The following SLC13A1 variants were observed in gnomAD, a reference collection of about 807,000 sequenced individuals.
SLC13A1 encodes solute carrier family 13 member 1.
A neutral mutation model predicts 70.0 loss-of-function variants in SLC13A1; 65 were observed. That is an observed-to-expected ratio of 0.93 (90% CI 0.76 to 1.14). The LOEUF (loss-of-function observed/expected upper bound fraction) is 1.14. Among genes scored for constraint, SLC13A1 ranks in the 50% most tolerant of loss-of-function variants. The pLI, the probability that SLC13A1 is intolerant of heterozygous loss-of-function variation, is 0.00. For missense variants in SLC13A1, 726 were observed against 717.8 expected (o/e 1.01, Z -0.13); for synonymous variants, 275 against 250.5 (o/e 1.10, Z -0.92).
At chr7:123,130,523 A>C (rs1482474828) in intron 8 of SLC13A1, among the ~76,000 whole-genome samples, 1 of 152,092 alleles carries the variant, frequency 6.6e-6, no homozygotes, top group African/African-American at 2.4e-5. Context: ...AGGAGAACAC[A>C]TGGAACCAGG....
At chr7:123,136,380 T>C (rs1029204889) in intron 7 of SLC13A1, among the ~76,000 whole-genome samples, 24 of 152,264 alleles carry the variant, frequency 1.6e-4, no homozygotes, top group African/African-American at 5.3e-4. Flanking sequence ...AATCATAACC[T>C]TTACCCTTAT....
At chr7:123,154,704 C>T (rs899573407) in intron 6 of SLC13A1, among the ~76,000 whole-genome samples, 2 of 152,006 alleles carry the variant, frequency 1.3e-5, no homozygotes, top group African/African-American at 4.8e-5. Flanking sequence ...GAATCAGTCC[C>T]AAATATTCCC....
chr7:123,168,313 C>G (rs1795138438), intron 6 of SLC13A1, 61 bp downstream of exon 6: 6 of 1,126,698 alleles, frequency 5.3e-6, no homozygotes, highest in Non-Finnish European at 5.2e-6. Flanking sequence ...GCATATGTAT[C>G]TAACTACAGC....
At chr7:123,178,019 C>T (rs1795507540) in intron 2 of SLC13A1, among the ~76,000 whole-genome samples, 1 of 145,350 alleles carries the variant, frequency 6.9e-6, no homozygotes, top group East Asian at 2.1e-4. Flanking sequence ...CTCTCTCTTT[C>T]TCTCTCTCTC....
intron 2 of SLC13A1, among the ~76,000 whole-genome samples, chr7:123,176,689 A>C (rs1795456067): frequency 6.6e-6 from 1 of 152,158 alleles, no homozygotes; most frequent in Admixed American, 6.6e-5. Flanking sequence ...TCTACTTTTC[A>C]CATTAACTGA....
chr7:123,125,456 G>A (rs919506780), intron 11 of SLC13A1, 113 bp downstream of exon 11: 17 of 720,260 alleles, frequency 2.4e-5, no homozygotes, highest in Admixed American at 1.0e-4. Context: ...GCTAGGCCAG[G>A]GATTGTGCCA....
chr7:123,151,217 G>C (rs774107378), intron 6 of SLC13A1, among the ~76,000 whole-genome samples: 4 of 151,916 alleles, frequency 2.6e-5, no homozygotes, highest in Non-Finnish European at 5.9e-5. Context: ...CCCACTACTT[G>C]GGAGGCTGAG....
chr7:123,117,414 C>T, intron 14 of SLC13A1, 57 bp downstream of exon 14: 2 of 1,548,136 alleles, frequency 1.3e-6, no homozygotes, highest in Non-Finnish European at 1.8e-6. Flanking sequence ...TAATTCAAGA[C>T]ATGGCACACA....
chr7:123,172,749 G>A (rs571890074), intron 2 of SLC13A1, among the ~76,000 whole-genome samples: 26 of 152,218 alleles, frequency 1.7e-4, no homozygotes, highest in Middle Eastern at 3.4e-3. Context: ...ATTTGCAGCA[G>A]TATTTCTTAA....
At chr7:123,175,036 T>C (rs1795402833) in intron 2 of SLC13A1, among the ~76,000 whole-genome samples, 1 of 152,110 alleles carries the variant, frequency 6.6e-6, no homozygotes, top group Admixed American at 6.6e-5. Flanking sequence ...ATTTATCCCC[T>C]TTATTACACT....
At chr7:123,173,484 G>A (rs1424386513) in intron 2 of SLC13A1, among the ~76,000 whole-genome samples, 1 of 151,876 alleles carries the variant, frequency 6.6e-6, no homozygotes, top group Non-Finnish European at 1.5e-5. Context: ...AATATTATAG[G>A]AGCAGAGTAT....
chr7:123,129,343 T>A, intron 9 of SLC13A1, 40 bp downstream of exon 9: 1 of 958,078 alleles, frequency 1.0e-6, no homozygotes, highest in Non-Finnish European at 1.6e-6. Context: ...TGTGTGTGTG[T>A]GTGTGTGTGT....
At chr7:123,175,022 A>G (rs1795402111) in intron 2 of SLC13A1, among the ~76,000 whole-genome samples, 1 of 151,882 alleles carries the variant, frequency 6.6e-6, no homozygotes, top group South Asian at 2.1e-4. Context: ...TAATTTCTTC[A>G]CTTATTTATC....
In SLC13A1 at chr7:123,115,379, T is replaced by C. The variant is rs1793144781; in HGVS notation, c.*139A>G. 2.6e-6 allele frequency: 2 copies of C among 778,832 alleles called. No individual in the cohort carries two copies. Among genetic ancestry groups the C allele is most frequent in the Non-Finnish European group, 4.0e-6 (2 of 495,348 alleles). 48.2% of individuals were successfully genotyped at this position (778,832 alleles called of 1,614,324 possible). Reference sequence around the variant, plus strand: ...GGACTCTGAGTTATAACAGCAGGTTTCGGGTATTCACAGGAATTGCAGCAG... The same window carrying C: ...GGACTCTGAGTTATAACAGCAGGTTCCGGGTATTCACAGGAATTGCAGCAG... On this transcript the variant is annotated 3_prime_UTR_variant, in exon 15 of 15. Transcript: ENST00000194130.
chr7:123,128,759 C>G, intron 10 of SLC13A1, 86 bp downstream of exon 10: 1 of 808,204 alleles, frequency 1.2e-6, no homozygotes, highest in Non-Finnish European at 2.0e-6. Flanking sequence ...ATATCTCATC[C>G]AATCTTTCAG....
intron 2 of SLC13A1, among the ~76,000 whole-genome samples, chr7:123,173,869 C>T (rs1257284965): frequency 1.3e-5 from 2 of 151,990 alleles, no homozygotes; most frequent in African/African-American, 4.8e-5. Context: ...ATTTTCTACA[C>T]TCTGTCCTCT....
chr7:123,170,770 A>G (rs1329025504), intron 3 of SLC13A1, among the ~76,000 whole-genome samples: 1 of 152,086 alleles, frequency 6.6e-6, no homozygotes, highest in African/African-American at 2.4e-5. Flanking sequence ...CTGGGATTAC[A>G]GGTGCCTGTC....
In SLC13A1 at chr7:123,129,320, T is replaced by TTC. The variant is rs1180442142; in HGVS notation, c.1031+61_1031+62dup. The TTC allele has an allele frequency of 4.9e-6, 5 of 1,030,586 alleles. No homozygotes were observed. The African/African-American group carries it at 8.7e-5, about 18-fold the overall frequency. The allele number at this position is 1,030,586 out of a possible 1,614,324, so 63.8% of individuals were successfully genotyped here. A position where few individuals can be genotyped will look rare whatever the true frequency, so the allele number is the denominator to read the frequency against. The stretch of plus-strand genomic sequence containing the variant: ...TTGCAGTGTAAACAGCATTTCTCTC[T>TTC]TCTCTGTGTGTGTGTGTGTGTGTGT... On this transcript the variant is annotated intron_variant, in intron 9 of 14. Coordinates refer to ENST00000194130, the MANE Select transcript of SLC13A1 (RefSeq NM_022444.4).
At chr7:123,167,872 T>A (rs1795127796) in intron 6 of SLC13A1, among the ~76,000 whole-genome samples, 1 of 151,992 alleles carries the variant, frequency 6.6e-6, no homozygotes, top group Admixed American at 6.6e-5. Context: ...ACGATGCCCC[T>A]AATGAAAATC....
Sources: gnomAD v4.1 joint callset for allele counts (sites outside exome capture counted in the v4.1 genomes callset) on GRCh38, gnomAD v4.1.1 for gene constraint, MANE v1.5 for transcripts, NCBI Gene and HGNC (gene_info 2026-07-23, HGNC 2026-07-21) for gene names.